The following PDE1C variants were observed in gnomAD, a reference collection of about 807,000 sequenced individuals.
PDE1C encodes the protein phosphodiesterase 1C.
Under a neutral mutation model 93.1 loss-of-function variants are expected in PDE1C, and 62 were observed. The observed-to-expected ratio is 0.67, with a 90% CI of 0.54 to 0.82. PDE1C has a LOEUF of 0.82. PDE1C is among the 40% of genes least tolerant of loss of function. The pLI, the probability that PDE1C is intolerant of heterozygous loss-of-function variation, is 0.00. For synonymous variants in PDE1C, 325 were observed against 310.1 expected, an observed-to-expected ratio of 1.05 and a Z score of -0.50; for missense variants, 742 against 884.6, an observed-to-expected ratio of 0.84 and a Z score of 2.04.
chr7:32,004,552 T>G (rs560411739), intron 2 of PDE1C, among the ~76,000 whole-genome samples: 1 of 152,296 alleles, frequency 6.6e-6, no homozygotes, highest in East Asian at 1.9e-4. Flanking sequence ...GAGACTTTTT[T>G]TCCTGCTGGA....
intron 2 of PDE1C, among the ~76,000 whole-genome samples, chr7:31,968,930 G>A (rs1462040841): frequency 2.0e-5 from 3 of 152,206 alleles, no homozygotes; most frequent in East Asian, 1.9e-4. Context: ...CCAGCCATAT[G>A]TAGAAAGCTG....
intron 1 of PDE1C, among the ~76,000 whole-genome samples, chr7:32,321,452 A>AATAG (rs1442704258): frequency 6.6e-6 from 1 of 152,242 alleles, no homozygotes; most frequent in African/African-American, 2.4e-5. Flanking sequence ...GCATGCATAA[A>AATAG]ATAGATGCCC....
At chr7:31,788,424 G>A (rs1310519230) in intron 16 of PDE1C, 1 of 152,120 alleles carries the variant, frequency 6.6e-6, no homozygotes, top group Non-Finnish European at 1.5e-5. Context: ...TGAGTTAGTT[G>A]TCAATATGTA....
chr7:31,983,255 C>T lies in PDE1C; in HGVS notation c.128+68299G>A, dbSNP rs535911283. ...AATGAAGTTCTAATGCCTACACACT[C>T]CTTAGTGAACTCAAATTTCCTAAGA... is the stretch of plus-strand genomic sequence containing the variant. On this transcript the variant is annotated intron_variant, in intron 2 of 17. Coordinates refer to ENST00000396191, the MANE Select transcript of PDE1C (RefSeq NM_001191057.4). 2.9e-3 allele frequency among the ~76,000 whole-genome samples: 445 copies of T among 152,284 alleles called. 1 individual carries two copies. The highest frequency in any genetic ancestry group is 0.011 in the South Asian group (52 of 4,820).
chr7:31,801,590 G>C (rs963030991), intron 16 of PDE1C, among the ~76,000 whole-genome samples: 2 of 151,358 alleles, frequency 1.3e-5, no homozygotes, highest in Non-Finnish European at 3.0e-5. Context: ...TAATTATTGA[G>C]AAAGAGATAA....
At chr7:32,113,741 C>G (rs916458464) in intron 3 of PDE1C, among the ~76,000 whole-genome samples, 10 of 152,026 alleles carry the variant, frequency 6.6e-5, no homozygotes, top group Admixed American at 5.9e-4. Flanking sequence ...AATTTTTAAC[C>G]AAAATTTGCA....
intron 1 of PDE1C, among the ~76,000 whole-genome samples, chr7:32,418,482 A>G (rs1211717727): frequency 6.6e-6 from 1 of 152,206 alleles, no homozygotes; most frequent in East Asian, 1.9e-4. Context: ...TTCCTATGAA[A>G]TATAATGATA....
chr7:32,046,011 T>A (rs1485659405), intron 2 of PDE1C, among the ~76,000 whole-genome samples: 1 of 152,216 alleles, frequency 6.6e-6, no homozygotes, highest in Non-Finnish European at 1.5e-5. Context: ...GTGTGATTAC[T>A]GAGCCACGTC....
the PDE1C span, among the ~76,000 whole-genome samples, chr7:31,697,577 A>C: frequency 6.6e-6 from 1 of 152,186 alleles, no homozygotes; most frequent in Non-Finnish European, 1.5e-5. Context: ...AAAAAATCAT[A>C]CTGAACTATG....
chr7:31,645,791 G>C, the PDE1C span, among the ~76,000 whole-genome samples: 1 of 152,164 alleles, frequency 6.6e-6, no homozygotes, highest in South Asian at 2.1e-4. Flanking sequence ...CAAGTGGGTA[G>C]AGGCCAGGAA....
chr7:31,727,037 A>T, the PDE1C span, among the ~76,000 whole-genome samples: 4 of 152,152 alleles, frequency 2.6e-5, no homozygotes, highest in African/African-American at 9.7e-5. Flanking sequence ...ACTCTGTCTC[A>T]AAAAAGAAAA....
At chr7:32,092,108 A>G (rs972844030) in intron 3 of PDE1C, among the ~76,000 whole-genome samples, 5 of 152,168 alleles carry the variant, frequency 3.3e-5, no homozygotes, top group African/African-American at 1.2e-4. Context: ...TCCAAGGCCA[A>G]TCTGAGAGAA....
At chr7:32,367,712 A>G (rs1319593071) in intron 1 of PDE1C, among the ~76,000 whole-genome samples, 1 of 152,044 alleles carries the variant, frequency 6.6e-6, no homozygotes, top group Non-Finnish European at 1.5e-5. Context: ...GGAGACTGAG[A>G]TGGGAGGATT....
At chr7:31,736,441 T>A in the PDE1C span, among the ~76,000 whole-genome samples, 6 of 152,286 alleles carry the variant, frequency 3.9e-5, no homozygotes, top group East Asian at 1.2e-3. Context: ...CCTAAGGCAG[T>A]GCCTGGAGAC....
upstream of PDE1C, among the ~76,000 whole-genome samples, chr7:32,300,098 C>A (rs1003741176): frequency 1.3e-5 from 2 of 151,480 alleles, no homozygotes; most frequent in African/African-American, 4.9e-5. Flanking sequence ...AACCTTGTCC[C>A]AAAAAAAACA....
chr7:31,713,517 A>G, the PDE1C span, among the ~76,000 whole-genome samples: 1 of 152,214 alleles, frequency 6.6e-6, no homozygotes, highest in Non-Finnish European at 1.5e-5. Context: ...TCTGGAGGAC[A>G]GTGGCCCTCT....
At chr7:31,659,797 GA>G in the PDE1C span, among the ~76,000 whole-genome samples, 1 of 152,164 alleles carries the variant, frequency 6.6e-6, no homozygotes, top group African/African-American at 2.4e-5. Context: ...AGCTATAGCA[GA>G]AACTTCCAAC....
intron 2 of PDE1C, among the ~76,000 whole-genome samples, chr7:31,998,108 C>T (rs182531505): frequency 1.3e-5 from 2 of 152,180 alleles, no homozygotes; most frequent in Non-Finnish European, 1.5e-5. Context: ...CAATCTCTGC[C>T]TCCTGTGTTC....
At chr7:31,840,406 A>G (rs1791704379) in intron 9 of PDE1C, among the ~76,000 whole-genome samples, 1 of 152,056 alleles carries the variant, frequency 6.6e-6, no homozygotes, top group South Asian at 2.1e-4. Flanking sequence ...TAATTTCTCC[A>G]ATGTCTTGGC....
Sources: gnomAD v4.1 joint callset for allele counts (sites outside exome capture counted in the v4.1 genomes callset) on GRCh38, gnomAD v4.1.1 for gene constraint, MANE v1.5 for transcripts, NCBI Gene and HGNC (gene_info 2026-07-23, HGNC 2026-07-21) for gene names.